Variants in MLLT3 observed in about 807,000 individuals in gnomAD.
MLLT3 encodes MLLT3 super elongation complex subunit, also known as protein AF-9.
In MLLT3, 4 loss-of-function variants were observed where a neutral mutation model predicts 53.2. That is an observed-to-expected ratio of 0.08 (90% CI 0.04 to 0.17). MLLT3 has a LOEUF of 0.17. Among genes scored for constraint, MLLT3 ranks in the 10% least tolerant of loss-of-function variants. MLLT3 has a pLI of 1.00. For synonymous variants in MLLT3, 283 were observed against 230.6 expected (o/e 1.23, Z -2.06); for missense variants, 569 against 684.0 (o/e 0.83, Z 1.87).
chr9:20,457,916 C>T (rs1322373597), intron 2 of MLLT3, among the ~76,000 whole-genome samples: 1 of 152,134 alleles, frequency 6.6e-6, no homozygotes, highest in East Asian at 1.9e-4. Flanking sequence ...TAAACATGTA[C>T]ATGCCAAATA....
chr9:20,533,986 A>G lies in MLLT3; in HGVS notation c.194-77200T>C, dbSNP rs1162672454. Among the ~76,000 whole-genome samples the G allele has an allele frequency of 3.9e-5, 6 of 152,232 alleles. No individual in the cohort carries two copies. The East Asian group carries it at 9.6e-4, about 24-fold the overall frequency. On this transcript the variant is annotated intron_variant, in intron 2 of 10. Coordinates refer to ENST00000380338, the MANE Select transcript of MLLT3 (RefSeq NM_004529.4). ...ATATATAGCATGGATGGTGATGGAT[A>G]TGTGAATTAATTTGTGGTAGTCATG...
chr9:20,551,536 T>C (rs552261873), intron 2 of MLLT3, among the ~76,000 whole-genome samples: 14 of 152,340 alleles, frequency 9.2e-5, no homozygotes, highest in Non-Finnish European at 1.9e-4. Context: ...TGGTCATGAA[T>C]GTAACAATCA....
chr9:20,547,012 C>A (rs1682349088), intron 2 of MLLT3, among the ~76,000 whole-genome samples: 2 of 152,172 alleles, frequency 1.3e-5, no homozygotes. Context: ...CACCCCATGT[C>A]TTGTTTGCTG....
chr9:20,425,065 G>C (rs1226044862), intron 4 of MLLT3, among the ~76,000 whole-genome samples: 1 of 152,120 alleles, frequency 6.6e-6, no homozygotes, highest in Non-Finnish European at 1.5e-5. Context: ...GTAAGTGTCT[G>C]AACAGAAGAG....
intron 2 of MLLT3, among the ~76,000 whole-genome samples, chr9:20,461,510 G>C (rs1306982808): frequency 6.6e-6 from 1 of 151,858 alleles, no homozygotes; most frequent in Non-Finnish European, 1.5e-5. Flanking sequence ...TTGACGAAGA[G>C]CTATGCTTGG....
chr9:20,383,558 T>C lies in MLLT3; in HGVS notation c.1126-17814A>G, dbSNP rs146436328. Among the ~76,000 whole-genome samples the C allele has an allele frequency of 6.7e-3, 1,022 of 152,010 alleles. 12 individuals are homozygous for C. Among genetic ancestry groups the C allele is most frequent in the African/African-American group, 0.023 (954 of 41,508 alleles). On this transcript the variant is annotated intron_variant, in intron 5 of 10. Coordinates refer to ENST00000380338, the MANE Select transcript of MLLT3 (RefSeq NM_004529.4). ...TAGTGGTACCAATTCATATCGCTAA[T>C]GTTAGAATGTTGACAACGCAAAGCA... is the stretch of plus-strand genomic sequence containing the variant.
chr9:20,552,150 GT>G (rs2119029015), intron 2 of MLLT3, among the ~76,000 whole-genome samples: 1 of 152,302 alleles, frequency 6.6e-6, no homozygotes, highest in South Asian at 2.1e-4. Context: ...GCAGAGGACA[GT>G]GAGCAACAGT....
At chr9:20,496,023 T>C (rs559803128) in intron 2 of MLLT3, among the ~76,000 whole-genome samples, 3 of 152,314 alleles carry the variant, frequency 2.0e-5, no homozygotes, top group African/African-American at 4.8e-5. Context: ...TTTGCAGAAC[T>C]TTCCATAGGT....
chr9:20,423,379 C>G (rs1051003369), intron 4 of MLLT3, among the ~76,000 whole-genome samples: 6 of 152,114 alleles, frequency 3.9e-5, no homozygotes, highest in Non-Finnish European at 8.8e-5. Flanking sequence ...CAGAACTATA[C>G]AAATGAAGTT....
intron 2 of MLLT3, among the ~76,000 whole-genome samples, chr9:20,560,966 G>C (rs1031765287): frequency 1.3e-5 from 2 of 152,068 alleles, no homozygotes; most frequent in Non-Finnish European, 2.9e-5. Flanking sequence ...TGAAATATTA[G>C]ACACTATCAA....
intron 2 of MLLT3, among the ~76,000 whole-genome samples, chr9:20,489,269 A>G (rs899452860): frequency 6.6e-6 from 1 of 152,208 alleles, no homozygotes; most frequent in Non-Finnish European, 1.5e-5. Flanking sequence ...CCTGAGTCAG[A>G]TAGGTTTTTT....
chr9:20,548,383 G>A (rs1293251244), intron 2 of MLLT3, among the ~76,000 whole-genome samples: 2 of 152,162 alleles, frequency 1.3e-5, no homozygotes, highest in Non-Finnish European at 2.9e-5. Flanking sequence ...TCCTCCGCAA[G>A]GAAGACATTT....
chr9:20,389,498 G>A (rs1321020276), intron 5 of MLLT3, among the ~76,000 whole-genome samples: 2 of 152,216 alleles, frequency 1.3e-5, no homozygotes, highest in African/African-American at 4.8e-5. Flanking sequence ...CTTTAGACCA[G>A]GCATGGTGGC....
rs78088030 is a variant in MLLT3, at chr9:20,575,430, A to T, written c.193+45224T>A. Among the ~76,000 whole-genome samples, 390 of 152,296 alleles carry T rather than the reference A, an allele frequency of 2.6e-3. 8 individuals carry two copies. Among genetic ancestry groups the T allele is most frequent in the East Asian group, 0.023 (117 of 5,188 alleles). On this transcript the variant is annotated intron_variant, in intron 2 of 10. Transcript: ENST00000380338. ...ATTTTTTTAGCAATAAAGCATTTTT[A>T]AAATTAAATTTTTTAAGGTTTGTGC... is the stretch of plus-strand genomic sequence containing the variant.
In MLLT3 at chr9:20,343,680, A is replaced by G. The variant is rs186300382; in HGVS notation, c.*2763T>C. 13 of 224,410 alleles carry G rather than the reference A, an allele frequency of 5.8e-5. No individual in the cohort carries two copies. The highest frequency in any genetic ancestry group is 2.3e-4 in the Admixed American group (4 of 17,480). 13.9% of individuals were successfully genotyped at this position (224,410 alleles called of 1,614,324 possible). A position where few individuals can be genotyped will look rare whatever the true frequency, so the allele number is the denominator to read the frequency against. On this transcript the variant is annotated 3_prime_UTR_variant, in exon 11 of 11. Coordinates refer to ENST00000380338, the MANE Select transcript of MLLT3 (RefSeq NM_004529.4). ...GTTTATCATACTCTGGCTGGTTCAAACCATATTCACATTTACCCAATTAAT... is the reference window on the plus strand; with the variant it reads ...GTTTATCATACTCTGGCTGGTTCAAGCCATATTCACATTTACCCAATTAAT...
At chr9:20,463,232 A>AATG (rs760069455) in intron 2 of MLLT3, among the ~76,000 whole-genome samples, 2 of 151,978 alleles carry the variant, frequency 1.3e-5, no homozygotes, top group Non-Finnish European at 2.9e-5. Context: ...AGTAACTTGG[A>AATG]ATGTTTACTT....
chr9:20,552,221 C>G (rs1167158150), intron 2 of MLLT3, among the ~76,000 whole-genome samples: 1 of 152,162 alleles, frequency 6.6e-6, no homozygotes, highest in African/African-American at 2.4e-5. Flanking sequence ...ACTTTACACT[C>G]ACATCAGAGC....
intron 4 of MLLT3, among the ~76,000 whole-genome samples, chr9:20,438,622 G>A (rs766789491): frequency 1.5e-4 from 23 of 151,500 alleles, no homozygotes; most frequent in Non-Finnish European, 3.1e-4. Flanking sequence ...TTTTTGTAGA[G>A]ACAGGTCTCA....
intron 2 of MLLT3, among the ~76,000 whole-genome samples, chr9:20,596,445 T>C (rs1297628484): frequency 6.6e-6 from 1 of 152,198 alleles, no homozygotes; most frequent in Non-Finnish European, 1.5e-5. Flanking sequence ...ATCCCAGCAC[T>C]TTGGGAGGCC....
Sources: allele counts gnomAD v4.1 joint callset (sites outside exome capture counted in the v4.1 genomes callset), GRCh38; gene constraint gnomAD v4.1.1; transcripts MANE v1.5; gene names NCBI Gene and HGNC (gene_info 2026-07-23, HGNC 2026-07-21).